Variants in ERC1 observed in about 807,000 individuals in gnomAD.
The protein encoded by ERC1 is RAB6 interacting protein 2.
ERC1 carries 56 observed loss-of-function variants against 132.0 expected under a neutral mutation model. That is an observed-to-expected ratio of 0.42 (90% CI 0.34 to 0.53). The LOEUF (loss-of-function observed/expected upper bound fraction) is 0.53, where lower values mean the gene tolerates loss of function less well. Among genes scored for constraint, ERC1 ranks in the 20% least tolerant of loss-of-function variants. ERC1 has a pLI of 0.03. For missense variants in ERC1, 1,202 were observed against 1,349.9 expected, an observed-to-expected ratio of 0.89 and a Z score of 1.72; for synonymous variants, 478 against 476.1, an observed-to-expected ratio of 1.00 and a Z score of -0.05.
intron 2 of ERC1, among the ~76,000 whole-genome samples, chr12:1,052,778 T>C (rs565388350): frequency 6.6e-6 from 1 of 152,272 alleles, no homozygotes; most frequent in East Asian, 1.9e-4. Flanking sequence ...AAGATCAGCC[T>C]GGCCAACATG....
intron 2 of ERC1, among the ~76,000 whole-genome samples, chr12:1,034,657 T>A (rs1801989064): frequency 6.6e-6 from 1 of 152,202 alleles, no homozygotes; most frequent in Non-Finnish European, 1.5e-5. Flanking sequence ...ATGCTGAAAC[T>A]ATGCCCCTCA....
chr12:1,219,152 C>CA (rs1018675796), intron 12 of ERC1, among the ~76,000 whole-genome samples: 2 of 152,126 alleles, frequency 1.3e-5, no homozygotes, highest in African/African-American at 4.8e-5. Context: ...GAATTACAGG[C>CA]ATGAGCCACC....
chr12:1,077,005 GTTGAC>G (rs1941459986), intron 2 of ERC1, among the ~76,000 whole-genome samples: 1 of 152,112 alleles, frequency 6.6e-6, no homozygotes, highest in Admixed American at 6.6e-5. Flanking sequence ...GCTTGACTTG[GTTGAC>G]TTAAGAATTC....
chr12:1,115,834 T>G (rs761565362), intron 6 of ERC1, 32 bp from the exon 7 acceptor site: 1 of 1,593,192 alleles, frequency 6.3e-7, no homozygotes, highest in Non-Finnish European at 8.6e-7. Flanking sequence ...TTTTATTTCT[T>G]TTTTCCTTAA....
At chr12:1,223,185 C>T (rs1341270145) in intron 12 of ERC1, among the ~76,000 whole-genome samples, 3 of 152,164 alleles carry the variant, frequency 2.0e-5, no homozygotes, top group African/African-American at 4.8e-5. Flanking sequence ...ATGTAGACTC[C>T]CTCCCTAATG....
rs1555321029 is a variant in ERC1 at position 1,233,492 on chromosome 12, A to AAG, written c.2352-3274_2352-3273dup. Among the ~76,000 whole-genome samples, 9 of 151,084 alleles carry AAG rather than the reference A, an allele frequency of 6.0e-5. No individual in the cohort carries two copies. The East Asian group carries it at 1.2e-3, about 20-fold the overall frequency. ...TCTCAAAAAAAAAAAAAAAAAAAAA[A>AAG]AGAGTAAGAAAACCAGACATTATAT... is the stretch of plus-strand genomic sequence containing the variant. On this transcript the variant is annotated intron_variant, in intron 12 of 18. Coordinates refer to ENST00000360905, the MANE Select transcript of ERC1 (RefSeq NM_178040.4).
intron 18 of ERC1, among the ~76,000 whole-genome samples, chr12:1,477,198 G>T (rs2154430100): frequency 1.3e-5 from 2 of 151,948 alleles, no homozygotes; most frequent in African/African-American, 2.4e-5. Flanking sequence ...TATTTTCTGT[G>T]ATTAAAAAAA....
chr12:1,481,217 A>G (rs2094084870), intron 18 of ERC1, among the ~76,000 whole-genome samples: 1 of 152,218 alleles, frequency 6.6e-6, no homozygotes. Flanking sequence ...GAAACCATGG[A>G]CAAGGGGGCG....
At chr12:1,254,852 A>G (rs200724083) in intron 13 of ERC1, among the ~76,000 whole-genome samples, 1 of 152,222 alleles carries the variant, frequency 6.6e-6, no homozygotes, top group East Asian at 1.9e-4. Flanking sequence ...GAATACATGT[A>G]TACATTGTGG....
chr12:1,343,674 AC>A (rs1052209730), intron 15 of ERC1, among the ~76,000 whole-genome samples: 2 of 152,100 alleles, frequency 1.3e-5, no homozygotes, highest in Non-Finnish European at 2.9e-5. Context: ...CTCACTTCTC[AC>A]CCAAGTCTTA....
intron 8 of ERC1, among the ~76,000 whole-genome samples, chr12:1,149,274 A>G (rs1950634401): frequency 6.6e-6 from 1 of 152,216 alleles, no homozygotes; most frequent in Non-Finnish European, 1.5e-5. Context: ...AGGTCAAAAC[A>G]GCATTTATTA....
chr12:1,442,490 T>TAG (rs947216328), intron 17 of ERC1, among the ~76,000 whole-genome samples: 5 of 151,810 alleles, frequency 3.3e-5, no homozygotes, highest in South Asian at 2.1e-4. Context: ...CGTTTATCCT[T>TAG]AGAGAGAGAG....
chr12:1,358,153 C>T (rs1280022290), intron 15 of ERC1, among the ~76,000 whole-genome samples: 3 of 149,664 alleles, frequency 2.0e-5, no homozygotes, highest in Admixed American at 6.7e-5. Context: ...CAGTGAGCTG[C>T]GATCATGCCT....
chr12:1,239,817 T>C (rs2075677381), intron 13 of ERC1, among the ~76,000 whole-genome samples: 1 of 152,212 alleles, frequency 6.6e-6, no homozygotes, highest in Non-Finnish European at 1.5e-5. Context: ...CCTAAATTAG[T>C]GGTTCTCAAA....
chr12:1,084,986 T>C lies in ERC1; in HGVS notation c.1086+1406T>C, dbSNP rs897962760. Reference sequence around the variant, plus strand: ...GAAAGTGCTGACATTACAGGCAATATGCCTATGCCTGGCCCATTATTATTA... The same window carrying C: ...GAAAGTGCTGACATTACAGGCAATACGCCTATGCCTGGCCCATTATTATTA... On this transcript the variant is annotated intron_variant, in intron 3 of 18. Coordinates refer to ENST00000360905, the MANE Select transcript of ERC1 (RefSeq NM_178040.4). Among the ~76,000 whole-genome samples, 16 of 67,692 alleles carry C rather than the reference T, an allele frequency of 2.4e-4. 1 individual carries two copies. Among genetic ancestry groups the C allele is most frequent in the African/African-American group, 6.1e-4 (16 of 26,042 alleles). 44.4% of individuals were successfully genotyped at this position (67,692 alleles called of 152,430 possible). A position where few individuals can be genotyped will look rare whatever the true frequency, so the allele number is the denominator to read the frequency against.
chr12:1,374,800 C>A (rs943313069), intron 16 of ERC1, among the ~76,000 whole-genome samples: 2 of 147,430 alleles, frequency 1.4e-5, no homozygotes, highest in African/African-American at 5.0e-5. Context: ...TATAGGCAGG[C>A]TGGGCTTTTC....
In ERC1 at chr12:1,369,558, T is replaced by C. The variant is rs147185208; in HGVS notation, c.2781-2275T>C. 8.8e-4 allele frequency among the ~76,000 whole-genome samples: 134 copies of C among 152,322 alleles called. 2 individuals are homozygous for C. In the East Asian group the frequency reaches 0.024, roughly 27 times the overall value. ...ATGTAGCACCCTTATTGGGAAAGCA[T>C]GCTGCCTCTTCCAGCTTGGTCAGTC... On this transcript the variant is annotated intron_variant, in intron 15 of 18. Transcript: ENST00000360905.
chr12:1,415,598 T>A (rs1046956752), intron 17 of ERC1, among the ~76,000 whole-genome samples: 2 of 152,216 alleles, frequency 1.3e-5, no homozygotes, highest in African/African-American at 2.4e-5. Context: ...ATGGAAGCCT[T>A]AAATTTCTAG....
At chr12:1,227,237 A>G (rs1290403331) in intron 12 of ERC1, among the ~76,000 whole-genome samples, 1 of 152,032 alleles carries the variant, frequency 6.6e-6, no homozygotes, top group Admixed American at 6.6e-5. Flanking sequence ...GCCAGTTTAC[A>G]CTCCCACCAA....
Sources: gnomAD v4.1 joint callset for allele counts (sites outside exome capture counted in the v4.1 genomes callset) on GRCh38, gnomAD v4.1.1 for gene constraint, MANE v1.5 for transcripts, NCBI Gene and HGNC (gene_info 2026-07-23, HGNC 2026-07-21) for gene names.